STRIT1: variants seen among roughly 807,000 people sequenced by gnomAD.
The protein encoded by STRIT1 is sarcoplasmic/endoplasmic reticulum calcium ATPase regulator DWORF.
chr3:155,291,328 C>A (rs1269568122), intron 1 of STRIT1: 1 of 246,946 alleles, frequency 4.0e-6, no homozygotes, highest in African/African-American at 2.2e-5. Context: ...CTCTCTACCT[C>A]CTGGAATAGT....
At chr3:155,291,153 T>C in intron 1 of STRIT1, 115 bp from the exon 2 acceptor site, 3 of 394,080 alleles carry the variant, frequency 7.6e-6, no homozygotes, top group African/African-American at 2.1e-5. Context: ...CACTCTCTAG[T>C]TATACCCATA....
intron 1 of STRIT1, among the ~76,000 whole-genome samples, chr3:155,291,986 C>T (rs1231483855): frequency 6.6e-6 from 1 of 151,992 alleles, no homozygotes; most frequent in Non-Finnish European, 1.5e-5. Flanking sequence ...AGATCTTATG[C>T]CATTAGTTAA....
chr3:155,291,272 G>A (rs1322949877), intron 1 of STRIT1: 1 of 325,384 alleles, frequency 3.1e-6, no homozygotes, highest in East Asian at 4.6e-5. Context: ...TGGCAATTCT[G>A]GGCTTGAACT....
In STRIT1 at chr3:155,290,306, C is replaced by T. The variant is rs189127001; in HGVS notation, c.*545G>A. ...TCAGTGTAGTTTTAATTACATTTCTCTTTTTGTGAACAAGAGATTAAGTAA... is the reference window on the plus strand; with the variant it reads ...TCAGTGTAGTTTTAATTACATTTCTTTTTTTGTGAACAAGAGATTAAGTAA... On this transcript the variant is annotated 3_prime_UTR_variant, in exon 3 of 3. Transcript: ENST00000489090. 7.5e-5 allele frequency: 11 copies of T among 147,134 alleles called. No homozygotes were observed. Among genetic ancestry groups the T allele is most frequent in the Admixed American group, 4.8e-4 (7 of 14,646 alleles). 9.1% of individuals were successfully genotyped at this position (147,134 alleles called of 1,614,324 possible).
In STRIT1 at chr3:155,290,701, C is replaced by A. The variant is rs1715615589; in HGVS notation, c.*150G>T. On this transcript the variant is annotated 3_prime_UTR_variant, in exon 3 of 3. Coordinates refer to ENST00000489090, the MANE Select transcript of STRIT1 (RefSeq NM_001352129.2). Reference sequence around the variant, plus strand: ...AATTTCTTATTGTCCTGAAGAAATTCTTATGCATACCAAAGTGCCAGTTTA... The same window carrying A: ...AATTTCTTATTGTCCTGAAGAAATTATTATGCATACCAAAGTGCCAGTTTA... 3.2e-6 allele frequency: 1 copy of A among 313,476 alleles called. No individual in the cohort carries two copies. The highest frequency in any genetic ancestry group is 5.8e-6 in the Non-Finnish European group (1 of 173,494). 19.4% of individuals were successfully genotyped at this position (313,476 alleles called of 1,614,324 possible). A position where few individuals can be genotyped will look rare whatever the true frequency, so the allele number is the denominator to read the frequency against.
In STRIT1 at chr3:155,291,082, AT is replaced by A. The variant is rs1559994507; in HGVS notation, c.14-45del. The A allele has an allele frequency of 1.0e-5, 4 of 398,222 alleles. No individual in the cohort carries two copies. In the East Asian group the frequency reaches 1.4e-4, roughly 14 times the overall value. The allele number at this position is 398,222 out of a possible 1,614,324, so 24.7% of individuals were successfully genotyped here. ...AAAACAGATTATATTGGTCATTTTC[AT>A]ATTAAATTTTCTGTGTCAAGAGAAT... On this transcript the variant is annotated intron_variant, in intron 1 of 2. Transcript: ENST00000489090.
In STRIT1 at chr3:155,290,324, TTAAG is replaced by T. The variant is rs1715601064; in HGVS notation, c.*523_*526del. ...CATTTCTCTTTTTGTGAACAAGAGATTAAGTAAGTGTACTTTTACATTATATGTT... is the reference window on the plus strand; with the variant it reads ...CATTTCTCTTTTTGTGAACAAGAGATTAAGTGTACTTTTACATTATATGTT... On this transcript the variant is annotated 3_prime_UTR_variant, in exon 3 of 3. Coordinates refer to ENST00000489090, the MANE Select transcript of STRIT1 (RefSeq NM_001352129.2). 6.6e-6 allele frequency: 1 copy of T among 151,984 alleles called. No homozygotes were observed. The highest frequency in any genetic ancestry group is 1.9e-4 in the East Asian group (1 of 5,180). 9.4% of individuals were successfully genotyped at this position (151,984 alleles called of 1,614,324 possible). A position where few individuals can be genotyped will look rare whatever the true frequency, so the allele number is the denominator to read the frequency against.
At position 155,290,345 on chromosome 3, in the gene STRIT1, T is replaced by C. The variant is rs2108434250; in HGVS notation, c.*506A>G. 1 of 151,782 alleles carries C rather than the reference T, an allele frequency of 6.6e-6. No homozygotes were observed. The highest frequency in any genetic ancestry group is 2.1e-4 in the South Asian group (1 of 4,806). 9.4% of individuals were successfully genotyped at this position (151,782 alleles called of 1,614,324 possible). A position where few individuals can be genotyped will look rare whatever the true frequency, so the allele number is the denominator to read the frequency against. ...GAGATTAAGTAAGTGTACTTTTACA[T>C]TATATGTTCTCTGAATTGTCTGTTT... On this transcript the variant is annotated 3_prime_UTR_variant, in exon 3 of 3. Transcript: ENST00000489090.
intron 1 of STRIT1, among the ~76,000 whole-genome samples, chr3:155,293,073 T>C (rs1369780087): frequency 6.6e-6 from 1 of 152,182 alleles, no homozygotes; most frequent in Non-Finnish European, 1.5e-5. Flanking sequence ...ATACAGTATA[T>C]ATTCAACTTT....
At position 155,291,031 on chromosome 3, in the gene STRIT1, A is replaced by G. The variant is rs547552118; in HGVS notation, c.21T>C (p.Ser7=). The change falls in exon 2 of 3, where the codon TCT becomes TCC. Residue 7 remains serine (S), a synonymous_variant. Transcript: ENST00000489090. ...TAGGAACCAGAAGGTGTGAAAATGT[A>G]GACCCCGCTTTAAAATAAACCGTAG... The part of the protein sequence containing the change: MAEKAG[S]TFSHLLVPIL... The G allele has an allele frequency of 5.0e-6, 2 of 398,708 alleles. No individual in the cohort carries two copies. Among genetic ancestry groups the G allele is most frequent in the South Asian group, 2.5e-4 (2 of 7,856 alleles). 24.7% of individuals were successfully genotyped at this position (398,708 alleles called of 1,614,324 possible). A position where few individuals can be genotyped will look rare whatever the true frequency, so the allele number is the denominator to read the frequency against.
rs752314937 is a variant in STRIT1 at position 155,290,578 on chromosome 3, T to C, written c.*273A>G. On this transcript the variant is annotated 3_prime_UTR_variant, in exon 3 of 3. Transcript: ENST00000489090. ...CCAGAGGGAAGGGGGGATAATTTTTTGTAATGTGATTAAATTTATCAAACT... is the reference window on the plus strand; with the variant it reads ...CCAGAGGGAAGGGGGGATAATTTTTCGTAATGTGATTAAATTTATCAAACT... 1.3e-5 allele frequency: 2 copies of C among 153,474 alleles called. No individual in the cohort carries two copies. Among genetic ancestry groups the C allele is most frequent in the Non-Finnish European group, 2.9e-5 (2 of 69,070 alleles). The allele number at this position is 153,474 out of a possible 1,614,324, so 9.5% of individuals were successfully genotyped here.
rs1134899 is a variant in STRIT1, at chr3:155,290,476, A to C, written c.*375T>G. The C allele has an allele frequency of 0.15, 21,011 of 142,980 alleles. 1,728 individuals are homozygous for C. Among genetic ancestry groups the C allele is most frequent in the African/African-American group, 0.23 (8,687 of 37,700 alleles). 8.9% of individuals were successfully genotyped at this position (142,980 alleles called of 1,614,324 possible). On this transcript the variant is annotated 3_prime_UTR_variant, in exon 3 of 3. Coordinates refer to ENST00000489090, the MANE Select transcript of STRIT1 (RefSeq NM_001352129.2). ...GAAGGTCTCCAATTTCTGGGCTCAAAGGATCCTCACAAAGTGCTGGGATTA... is the reference window on the plus strand; with the variant it reads ...GAAGGTCTCCAATTTCTGGGCTCAACGGATCCTCACAAAGTGCTGGGATTA...
chr3:155,292,325 G>A (rs1715656137), intron 1 of STRIT1, among the ~76,000 whole-genome samples: 1 of 152,078 alleles, frequency 6.6e-6, no homozygotes, highest in African/African-American at 2.4e-5. Context: ...ATTGCTTAAG[G>A]ATAAAGCAAA....
intron 1 of STRIT1, 101 bp downstream of exon 1, chr3:155,293,519 T>A (rs1401858487): frequency 5.0e-6 from 2 of 397,490 alleles, no homozygotes; most frequent in Non-Finnish European, 8.9e-6. Context: ...AGATATCACA[T>A]TTTTTAGAGT....
intron 1 of STRIT1, 149 bp downstream of exon 1, chr3:155,293,471 A>T (rs1232643385): frequency 5.1e-6 from 2 of 395,724 alleles, no homozygotes; most frequent in East Asian, 7.1e-5. Context: ...GCATTTTTGC[A>T]GCCACACTAA....
chr3:155,293,092 T>C (rs1318745250), intron 1 of STRIT1, among the ~76,000 whole-genome samples: 3 of 152,088 alleles, frequency 2.0e-5, no homozygotes, highest in African/African-American at 7.2e-5. Flanking sequence ...TTTTGACAAA[T>C]TGGAATCAAT....
intron 1 of STRIT1, among the ~76,000 whole-genome samples, chr3:155,292,053 A>G (rs1382837259): frequency 6.6e-6 from 1 of 152,180 alleles, no homozygotes; most frequent in Non-Finnish European, 1.5e-5. Flanking sequence ...CATCACTTTA[A>G]AATGTGAAAT....
chr3:155,293,473 C>T, intron 1 of STRIT1, 147 bp downstream of exon 1: 4 of 395,702 alleles, frequency 1.0e-5, no homozygotes, highest in Non-Finnish European at 1.3e-5. Flanking sequence ...ATTTTTGCAG[C>T]CACACTAACA....
chr3:155,291,771 T>C (rs1180940376), intron 1 of STRIT1, among the ~76,000 whole-genome samples: 1 of 152,148 alleles, frequency 6.6e-6, no homozygotes, highest in Non-Finnish European at 1.5e-5. Context: ...CTCTTACCTG[T>C]AAAAAGCAAT....
Sources: allele counts gnomAD v4.1 joint callset (sites outside exome capture counted in the v4.1 genomes callset), GRCh38; gene constraint gnomAD v4.1.1; transcripts MANE v1.5; gene names NCBI Gene and HGNC (gene_info 2026-07-23, HGNC 2026-07-21).